SORCS3: variants seen among roughly 807,000 people sequenced by gnomAD.
SORCS3 encodes sortilin related VPS10 domain containing receptor 3, also known as VPS10 domain-containing receptor SorCS3.
SORCS3 carries 57 observed loss-of-function variants against 146.3 expected under a neutral mutation model. The observed-to-expected ratio is 0.39, with a 90% CI of 0.31 to 0.49. The LOEUF (loss-of-function observed/expected upper bound fraction) is 0.49, where lower values mean the gene tolerates loss of function less well. Ranked by LOEUF, SORCS3 falls within the 20% of genes least tolerant of loss-of-function variation. The pLI is 0.92. For synonymous variants in SORCS3, 653 were observed against 618.5 expected (o/e 1.06, Z -0.83); for missense variants, 1,341 against 1,575.5 (o/e 0.85, Z 2.52).
At chr10:105,196,509 G>A (rs956787379) in intron 14 of SORCS3, among the ~76,000 whole-genome samples, 3 of 152,214 alleles carry the variant, frequency 2.0e-5, no homozygotes, top group African/African-American at 7.2e-5. Flanking sequence ...GTAGGCTGAG[G>A]CAGGAGAATT....
rs1257170177 is a variant in SORCS3, at chr10:104,696,326, TACAC to T, written c.627+54374_627+54377del. Among the ~76,000 whole-genome samples, 45 of 96,122 alleles carry T rather than the reference TACAC, an allele frequency of 4.7e-4. 16 individuals are homozygous for T. Among genetic ancestry groups the T allele is most frequent in the South Asian group, 1.3e-3 (4 of 2,980 alleles). 63.1% of individuals were successfully genotyped at this position (96,122 alleles called of 152,430 possible). A position where few individuals can be genotyped will look rare whatever the true frequency, so the allele number is the denominator to read the frequency against. ...CATATGATATATGATATATATCATA[TACAC>T]ATATGATATATGATATATATCATAT... On this transcript the variant is annotated intron_variant, in intron 1 of 26. Coordinates refer to ENST00000369701, the MANE Select transcript of SORCS3 (RefSeq NM_014978.3).
intron 5 of SORCS3, among the ~76,000 whole-genome samples, chr10:105,085,021 C>A (rs1021096127): frequency 6.6e-6 from 1 of 152,110 alleles, no homozygotes; most frequent in East Asian, 1.9e-4. Flanking sequence ...TGAGCCACCG[C>A]GCCCGGCCAA....
rs151219195 is a variant in SORCS3 at position 104,977,394 on chromosome 10, G to T, written c.855G>T (p.Gly285=). ...GCATATTGATCAGCTCAGACGAAGG[G>T]GCGACCTATCAGAAGTATCGGCTCA... ...ESSILISSDE[G]ATYQKYRLTF... is the part of the protein sequence containing the mutation. Residue 285 remains glycine, a synonymous_variant, in exon 4 of 27, where the codon GGG becomes GGT. Coordinates refer to ENST00000369701, the MANE Select transcript of SORCS3 (RefSeq NM_014978.3). 5.1e-5 allele frequency: 82 copies of T among 1,613,634 alleles called. No homozygotes were observed. The highest frequency in any genetic ancestry group is 9.3e-6 in the Non-Finnish European group (11 of 1,179,832).
chr10:104,783,731 AAGAG>A (rs1166739496), intron 1 of SORCS3, among the ~76,000 whole-genome samples: 4 of 151,952 alleles, frequency 2.6e-5, no homozygotes, highest in Admixed American at 1.3e-4. Context: ...CGTCTCAAAA[AAGAG>A]AGAGAGAGAG....
At chr10:105,202,579 G>GA (rs1402439522) in intron 16 of SORCS3, among the ~76,000 whole-genome samples, 3 of 152,104 alleles carry the variant, frequency 2.0e-5, no homozygotes, top group Non-Finnish European at 4.4e-5. Flanking sequence ...CGTACAAAAT[G>GA]AACATGTTTT....
intron 3 of SORCS3, among the ~76,000 whole-genome samples, chr10:104,928,238 G>A (rs2019169918): frequency 6.6e-6 from 1 of 152,078 alleles, no homozygotes; most frequent in Admixed American, 6.5e-5. Flanking sequence ...GAAAGCATGA[G>A]ACCTGTGTCT....
At chr10:104,667,492 G>C (rs564810864) in intron 1 of SORCS3, among the ~76,000 whole-genome samples, 2 of 152,248 alleles carry the variant, frequency 1.3e-5, no homozygotes, top group African/African-American at 4.8e-5. Flanking sequence ...CAAGGATCAG[G>C]CTCTAGCCTG....
intron 1 of SORCS3, among the ~76,000 whole-genome samples, chr10:104,733,352 A>AT (rs112864049): frequency 4.6e-5 from 7 of 151,220 alleles, no homozygotes; most frequent in African/African-American, 7.3e-5. Context: ...ATCTTTGATA[A>AT]TTTTTTTTTA....
intron 1 of SORCS3, among the ~76,000 whole-genome samples, chr10:104,733,425 C>A (rs1191380136): frequency 2.0e-5 from 3 of 152,204 alleles, no homozygotes; most frequent in South Asian, 4.1e-4. Context: ...TGAGAGCTCA[C>A]TGCAGCCTTG....
chr10:105,182,997 G>A (rs1402513772), intron 14 of SORCS3, among the ~76,000 whole-genome samples: 4 of 152,104 alleles, frequency 2.6e-5, no homozygotes, highest in African/African-American at 4.8e-5. Flanking sequence ...GTGCCAGTGC[G>A]CCTGGCCAGT....
intron 1 of SORCS3, among the ~76,000 whole-genome samples, chr10:104,733,179 A>T (rs1469239741): frequency 3.9e-5 from 6 of 152,158 alleles, no homozygotes; most frequent in African/African-American, 1.4e-4. Flanking sequence ...TGCCCCCAGG[A>T]GCCCTGAGAA....
intron 5 of SORCS3, among the ~76,000 whole-genome samples, chr10:105,048,433 G>A (rs2133708581): frequency 6.6e-6 from 1 of 150,552 alleles, no homozygotes; most frequent in Non-Finnish European, 1.5e-5. Context: ...CTATCGCAAG[G>A]ACAAAAAAAC....
chr10:104,941,567 C>T (rs74155069), intron 3 of SORCS3, among the ~76,000 whole-genome samples: 2,607 of 152,238 alleles, frequency 0.017, 68 homozygotes, highest in African/African-American at 0.059. Context: ...CCAGTTTATA[C>T]AGGCACTCCC....
chr10:105,057,831 G>A (rs537818548), intron 5 of SORCS3, among the ~76,000 whole-genome samples: 2 of 152,272 alleles, frequency 1.3e-5, no homozygotes, highest in South Asian at 2.1e-4. Flanking sequence ...TGAACGTAGC[G>A]TATTCTACCA....
At chr10:105,201,094 C>T in intron 15 of SORCS3, 26 bp from the exon 16 acceptor site, 1 of 1,607,026 alleles carries the variant, frequency 6.2e-7, no homozygotes, top group East Asian at 2.2e-5. Flanking sequence ...TTTTCTGTCT[C>T]TCACACTATG....
At chr10:104,865,796 G>C (rs1206176775) in intron 2 of SORCS3, among the ~76,000 whole-genome samples, 1 of 152,238 alleles carries the variant, frequency 6.6e-6, no homozygotes, top group Non-Finnish European at 1.5e-5. Flanking sequence ...TGAGCACAAT[G>C]CATCTGACAA....
chr10:104,883,701 A>G (rs1337522326), intron 2 of SORCS3, among the ~76,000 whole-genome samples: 2 of 152,132 alleles, frequency 1.3e-5, no homozygotes, highest in African/African-American at 4.8e-5. Context: ...AAGCTTTTGA[A>G]TGCTCTGAAA....
chr10:104,815,684 A>G (rs1261411856), intron 1 of SORCS3, among the ~76,000 whole-genome samples: 1 of 152,018 alleles, frequency 6.6e-6, no homozygotes, highest in East Asian at 1.9e-4. Context: ...TTTTTAAGGT[A>G]GGCTTCAGGC....
rs572492733 is a variant in SORCS3 at position 104,793,138 on chromosome 10, G to A, written c.628-49654G>A. ...TTTTGAATGTCAGATAACACAACCCGATCTCAGAGGTGATTATTTTTTTTT... is the reference window on the plus strand; with the variant it reads ...TTTTGAATGTCAGATAACACAACCCAATCTCAGAGGTGATTATTTTTTTTT... On this transcript the variant is annotated intron_variant, in intron 1 of 26. Transcript: ENST00000369701. 5.9e-5 allele frequency among the ~76,000 whole-genome samples: 9 copies of A among 152,156 alleles called. No homozygotes were observed. In the East Asian group the frequency reaches 7.7e-4, roughly 13 times the overall value.
Sources: gnomAD v4.1 joint callset for allele counts (sites outside exome capture counted in the v4.1 genomes callset) on GRCh38, gnomAD v4.1.1 for gene constraint, MANE v1.5 for transcripts, NCBI Gene and HGNC (gene_info 2026-07-23, HGNC 2026-07-21) for gene names.